SPPL3: variants seen among roughly 807,000 people sequenced by gnomAD.
SPPL3 encodes signal peptide peptidase-like 3.
In SPPL3, 5 loss-of-function variants were observed where a neutral mutation model predicts 42.4. That is an observed-to-expected ratio of 0.12 (90% CI 0.06 to 0.25). The LOEUF (loss-of-function observed/expected upper bound fraction) is 0.25. Ranked by LOEUF, SPPL3 falls within the 10% of genes least tolerant of loss-of-function variation. The pLI is 1.00. For missense variants in SPPL3, 235 were observed against 489.0 expected, an observed-to-expected ratio of 0.48 and a Z score of 4.90; for synonymous variants, 195 against 181.8, an observed-to-expected ratio of 1.07 and a Z score of -0.58.
intron 1 of SPPL3, among the ~76,000 whole-genome samples, chr12:120,848,018 T>C (rs373090489): frequency 3.3e-5 from 5 of 152,182 alleles, no homozygotes; most frequent in African/African-American, 1.2e-4. Context: ...ATGTAAAACT[T>C]AAAACAAAAT....
intron 1 of SPPL3, among the ~76,000 whole-genome samples, chr12:120,899,528 C>T (rs139466964): frequency 1.2e-4 from 18 of 152,124 alleles, no homozygotes; most frequent in African/African-American, 3.6e-4. Context: ...AAGGAGTTTA[C>T]AATATAGTTA....
At chr12:120,875,747 A>G (rs541727975) in intron 1 of SPPL3, among the ~76,000 whole-genome samples, 20 of 152,354 alleles carry the variant, frequency 1.3e-4, no homozygotes, top group African/African-American at 4.8e-4. Context: ...AAATTTTAAC[A>G]TAAGCATATC....
At chr12:120,778,571 C>G (rs1006539771) in intron 6 of SPPL3, among the ~76,000 whole-genome samples, 1 of 152,196 alleles carries the variant, frequency 6.6e-6, no homozygotes, top group Non-Finnish European at 1.5e-5. Flanking sequence ...CTCCTCCACA[C>G]AAACCCTGCC....
intron 1 of SPPL3, among the ~76,000 whole-genome samples, chr12:120,879,044 C>T (rs1441231092): frequency 3.9e-5 from 5 of 126,632 alleles, no homozygotes; most frequent in Non-Finnish European, 4.7e-5. Context: ...ACCTGGGAGG[C>T]GGAGGTTGTG....
chr12:120,818,732 C>T (rs1870959642), intron 1 of SPPL3, among the ~76,000 whole-genome samples: 1 of 152,212 alleles, frequency 6.6e-6, no homozygotes, highest in African/African-American at 2.4e-5. Context: ...GAACAATTTA[C>T]ACTCTTAAAA....
At chr12:120,810,960 C>G in intron 1 of SPPL3, 74 bp from the exon 2 acceptor site, 1 of 1,025,792 alleles carries the variant, frequency 9.7e-7, no homozygotes, top group South Asian at 1.5e-5. Context: ...TAATGGAGTT[C>G]TATAAACCCC....
chr12:120,827,866 C>T (rs1871276872), intron 1 of SPPL3, among the ~76,000 whole-genome samples: 2 of 152,066 alleles, frequency 1.3e-5, no homozygotes, highest in Admixed American at 6.5e-5. Context: ...TGGCTCACTG[C>T]ATCCTCCGCC....
chr12:120,875,060 C>G (rs1441778100), intron 1 of SPPL3, among the ~76,000 whole-genome samples: 1 of 152,134 alleles, frequency 6.6e-6, no homozygotes, highest in Non-Finnish European at 1.5e-5. Context: ...GCTTAACATG[C>G]AAGTGGGTAA....
At chr12:120,785,162 G>A (rs1404209663) in intron 3 of SPPL3, among the ~76,000 whole-genome samples, 1 of 152,096 alleles carries the variant, frequency 6.6e-6, no homozygotes, top group African/African-American at 2.4e-5. Context: ...CCAGGACTTT[G>A]GGAGGCTGAA....
At chr12:120,883,053 C>T (rs904182928) in intron 1 of SPPL3, among the ~76,000 whole-genome samples, 3 of 152,030 alleles carry the variant, frequency 2.0e-5, no homozygotes, top group Non-Finnish European at 4.4e-5. Context: ...AACTGTAATC[C>T]CAGCACTTTG....
chr12:120,866,088 C>T (rs1284095695), intron 1 of SPPL3, among the ~76,000 whole-genome samples: 1 of 152,108 alleles, frequency 6.6e-6, no homozygotes, highest in African/African-American at 2.4e-5. Context: ...CTCAGGGCTC[C>T]CACTGATTCT....
intron 1 of SPPL3, among the ~76,000 whole-genome samples, chr12:120,856,353 A>C (rs1360386426): frequency 6.6e-6 from 1 of 151,890 alleles, no homozygotes; most frequent in African/African-American, 2.4e-5. Flanking sequence ...GATGTCTCGG[A>C]AATGTTGCAG....
At chr12:120,834,146 T>C (rs1871529981) in intron 1 of SPPL3, among the ~76,000 whole-genome samples, 2 of 152,114 alleles carry the variant, frequency 1.3e-5, no homozygotes, top group South Asian at 4.1e-4. Context: ...ATCTGCTGAA[T>C]ACAGAAAAAA....
At chr12:120,824,599 G>A (rs552285844) in intron 1 of SPPL3, among the ~76,000 whole-genome samples, 45 of 152,118 alleles carry the variant, frequency 3.0e-4, no homozygotes, top group Non-Finnish European at 4.7e-4. Context: ...GCATGATCAC[G>A]GCTCACTGCA....
intron 2 of SPPL3, among the ~76,000 whole-genome samples, chr12:120,798,058 C>T (rs528551841): frequency 2.6e-5 from 4 of 152,244 alleles, no homozygotes; most frequent in Admixed American, 6.5e-5. Context: ...ATCTGGCCAA[C>T]GAACTGTTTA....
intron 1 of SPPL3, among the ~76,000 whole-genome samples, chr12:120,858,725 T>C (rs933899946): frequency 1.3e-5 from 2 of 151,970 alleles, no homozygotes; most frequent in Non-Finnish European, 2.9e-5. Context: ...CCAAAATGTA[T>C]ACAATAGGAG....
intron 1 of SPPL3, among the ~76,000 whole-genome samples, chr12:120,900,624 T>C: frequency 7.1e-6 from 1 of 141,764 alleles, no homozygotes; most frequent in Non-Finnish European, 1.5e-5. Context: ...GAGAGATCAA[T>C]TGCCGGGTGT....
chr12:120,888,538 T>G (rs139313794), intron 1 of SPPL3, among the ~76,000 whole-genome samples: 8 of 152,292 alleles, frequency 5.3e-5, no homozygotes, highest in African/African-American at 1.7e-4. Flanking sequence ...AACACTGTGC[T>G]AAGTGCAAGC....
intron 1 of SPPL3, among the ~76,000 whole-genome samples, chr12:120,875,922 G>C (rs1421605012): frequency 6.6e-6 from 1 of 152,036 alleles, no homozygotes; most frequent in Admixed American, 6.6e-5. Context: ...CAGGCACTAA[G>C]CTGGAGTGGT....
Sources: gnomAD v4.1 joint callset for allele counts (sites outside exome capture counted in the v4.1 genomes callset) on GRCh38, gnomAD v4.1.1 for gene constraint, MANE v1.5 for transcripts, NCBI Gene and HGNC (gene_info 2026-07-23, HGNC 2026-07-21) for gene names.